NALF1: variants seen among roughly 807,000 people sequenced by gnomAD.
The protein encoded by NALF1 is NALCN channel auxiliary factor 1.
In NALF1, 3 loss-of-function variants were observed where a neutral mutation model predicts 48.4. That is an observed-to-expected ratio of 0.06 (90% CI 0.03 to 0.16). The LOEUF is 0.16. Ranked by LOEUF, NALF1 falls within the 10% of genes least tolerant of loss-of-function variation. The pLI, the probability that NALF1 is intolerant of heterozygous loss-of-function variation, is 1.00. For missense variants in NALF1, 526 were observed against 571.5 expected, an observed-to-expected ratio of 0.92 and a Z score of 0.81; for synonymous variants, 262 against 245.7, an observed-to-expected ratio of 1.07 and a Z score of -0.62.
chr13:107,209,091 C>G (rs1388819973), intron 2 of NALF1, among the ~76,000 whole-genome samples: 1 of 152,146 alleles, frequency 6.6e-6, no homozygotes, highest in Non-Finnish European at 1.5e-5. Context: ...GGCCATTGCA[C>G]TTTCTAATTT....
chr13:107,213,863 A>G (rs1879818546), intron 1 of NALF1, among the ~76,000 whole-genome samples: 1 of 152,232 alleles, frequency 6.6e-6, no homozygotes, highest in South Asian at 2.1e-4. Flanking sequence ...TGCGGCTAAG[A>G]GCAAACGAGG....
At chr13:107,258,191 C>T (rs1566466356) in intron 1 of NALF1, among the ~76,000 whole-genome samples, 2 of 152,136 alleles carry the variant, frequency 1.3e-5, no homozygotes, top group East Asian at 3.9e-4. Flanking sequence ...CATACATCTC[C>T]ATGTATCTGA....
intron 1 of NALF1, among the ~76,000 whole-genome samples, chr13:107,722,430 T>A (rs977411701): frequency 1.3e-5 from 2 of 152,138 alleles, no homozygotes; most frequent in Admixed American, 1.3e-4. Context: ...ATGGTTCATG[T>A]CACTGAAAAT....
intron 1 of NALF1, among the ~76,000 whole-genome samples, chr13:107,581,894 A>G (rs1017581290): frequency 1.3e-5 from 2 of 152,146 alleles, no homozygotes; most frequent in Non-Finnish European, 2.9e-5. Context: ...AATCCATAAT[A>G]ATAATTGTTC....
At chr13:107,685,149 C>G (rs1881404510) in intron 1 of NALF1, among the ~76,000 whole-genome samples, 1 of 152,006 alleles carries the variant, frequency 6.6e-6, no homozygotes, top group Non-Finnish European at 1.5e-5. Flanking sequence ...CCCATGTGTA[C>G]TAAAAATACA....
chr13:107,859,396 A>G (rs748433060), intron 1 of NALF1, among the ~76,000 whole-genome samples: 1 of 152,208 alleles, frequency 6.6e-6, no homozygotes, highest in Non-Finnish European at 1.5e-5. Flanking sequence ...GATAGCTTCT[A>G]TAAATTTTGT....
In NALF1 at chr13:107,483,296, C is replaced by T. The variant is rs191607814; in HGVS notation, c.916-272541G>A. On this transcript the variant is annotated intron_variant, in intron 1 of 2. Transcript: ENST00000375915. ...CCAAATTTCCGTGATTCAAAGACAA[C>T]TTTATTCCTCATGTCTTATATCTGA... Among the ~76,000 whole-genome samples, 531 of 152,216 alleles carry T rather than the reference C, an allele frequency of 3.5e-3. 4 individuals carry two copies. The highest frequency in any genetic ancestry group is 0.012 in the African/African-American group (510 of 41,544).
At chr13:107,260,543 T>A (rs1412464245) in intron 1 of NALF1, among the ~76,000 whole-genome samples, 2 of 152,240 alleles carry the variant, frequency 1.3e-5, no homozygotes, top group Non-Finnish European at 2.9e-5. Flanking sequence ...AATCCCCCAC[T>A]CTGATTTTCC....
intron 1 of NALF1, among the ~76,000 whole-genome samples, chr13:107,324,493 A>C (rs976921006): frequency 6.6e-6 from 1 of 152,198 alleles, no homozygotes. Context: ...GAAGAACAGT[A>C]TCTAGGGCAC....
intron 1 of NALF1, among the ~76,000 whole-genome samples, chr13:107,819,057 T>G (rs1347923170): frequency 1.3e-5 from 2 of 152,138 alleles, no homozygotes; most frequent in East Asian, 3.9e-4. Flanking sequence ...GGCAAGCTCT[T>G]ACAGATGCAT....
At chr13:107,800,667 A>G (rs7338271) in intron 1 of NALF1, among the ~76,000 whole-genome samples, 38,741 of 146,898 alleles carry the variant, frequency 0.26, 5,641 homozygotes, top group Middle Eastern at 0.37. Context: ...ATAATACATC[A>G]TATTGTATTT....
At chr13:107,595,946 T>C (rs1166103522) in intron 1 of NALF1, among the ~76,000 whole-genome samples, 1 of 152,120 alleles carries the variant, frequency 6.6e-6, no homozygotes, top group Non-Finnish European at 1.5e-5. Context: ...CCAATTGGTA[T>C]ATTTAGCCAC....
At chr13:107,690,833 A>G (rs1315350843) in intron 1 of NALF1, among the ~76,000 whole-genome samples, 1 of 152,244 alleles carries the variant, frequency 6.6e-6, no homozygotes, top group Non-Finnish European at 1.5e-5. Flanking sequence ...TCTAACAGTC[A>G]TGGAGAAGGT....
chr13:107,529,316 C>T (rs1162956573), intron 1 of NALF1, among the ~76,000 whole-genome samples: 3 of 152,130 alleles, frequency 2.0e-5, no homozygotes, highest in Admixed American at 1.3e-4. Context: ...AGTTGTATGA[C>T]TTTCAGAATC....
intron 1 of NALF1, among the ~76,000 whole-genome samples, chr13:107,693,552 T>A (rs1456899011): frequency 6.6e-6 from 1 of 151,116 alleles, no homozygotes; most frequent in Non-Finnish European, 1.5e-5. Flanking sequence ...GTGCACGGAA[T>A]CTCTGCCACG....
intron 1 of NALF1, among the ~76,000 whole-genome samples, chr13:107,301,056 G>T (rs548566138): frequency 6.6e-6 from 1 of 152,038 alleles, no homozygotes; most frequent in Admixed American, 6.6e-5. Context: ...ATATTTGCTT[G>T]TTTCTTTATA....
chr13:107,458,276 G>C (rs1015706378), intron 1 of NALF1, among the ~76,000 whole-genome samples: 1 of 152,144 alleles, frequency 6.6e-6, no homozygotes, highest in Admixed American at 6.5e-5. Flanking sequence ...GCTTTGACAG[G>C]AGACCTAAAG....
At chr13:107,566,864 C>T (rs1289180675) in intron 1 of NALF1, among the ~76,000 whole-genome samples, 2 of 152,144 alleles carry the variant, frequency 1.3e-5, no homozygotes, top group Non-Finnish European at 2.9e-5. Context: ...GTGCCCTGAG[C>T]GGCTTCTGTC....
chr13:107,201,433 C>T (rs372054821), intron 2 of NALF1, among the ~76,000 whole-genome samples: 77 of 152,202 alleles, frequency 5.1e-4, no homozygotes, highest in Non-Finnish European at 5.9e-4. Flanking sequence ...AAAAACCAGC[C>T]GGACGTGGTG....
Sources: gnomAD v4.1 joint callset for allele counts (sites outside exome capture counted in the v4.1 genomes callset) on GRCh38, gnomAD v4.1.1 for gene constraint, MANE v1.5 for transcripts, NCBI Gene and HGNC (gene_info 2026-07-23, HGNC 2026-07-21) for gene names.